NPHS2: variants seen among roughly 807,000 people sequenced by gnomAD.
The protein encoded by NPHS2 is podocin.
A neutral mutation model predicts 37.1 loss-of-function variants in NPHS2; 36 were observed. The observed-to-expected ratio is 0.97, with a 90% CI of 0.74 to 1.28. The LOEUF is 1.28. Among genes scored for constraint, NPHS2 ranks in the 50% most tolerant of loss-of-function variants. The pLI, the probability that NPHS2 is intolerant of heterozygous loss-of-function variation, is 0.00. For missense variants in NPHS2, 447 were observed against 488.1 expected (o/e 0.92, Z 0.79); for synonymous variants, 196 against 189.3 (o/e 1.04, Z -0.29).
rs917575907 is a variant in NPHS2 at position 179,550,953 on chromosome 1, T to A, written c.*220A>T. On this transcript the variant is annotated 3_prime_UTR_variant, in exon 8 of 8. Coordinates refer to ENST00000367615, the MANE Select transcript of NPHS2 (RefSeq NM_014625.4). ...GTTGACCAAAGCTGTTTCCCATAAT[T>A]GCTCTGACTAGATGAGTCACGGAAA... is the stretch of plus-strand genomic sequence containing the variant. The A allele has an allele frequency of 6.8e-6, 4 of 591,874 alleles. No homozygotes were observed. The highest frequency in any genetic ancestry group is 2.9e-5 in the Admixed American group (1 of 33,900). 36.7% of individuals were successfully genotyped at this position (591,874 alleles called of 1,614,324 possible).
intron 1 of NPHS2, among the ~76,000 whole-genome samples, chr1:179,572,180 T>C (rs569530990): frequency 1.3e-5 from 2 of 152,286 alleles, no homozygotes; most frequent in Admixed American, 6.5e-5. Context: ...ACCGGAGCTG[T>C]TCCTATTTGG....
At chr1:179,575,287 A>G (rs1674713517) in intron 1 of NPHS2, among the ~76,000 whole-genome samples, 1 of 152,082 alleles carries the variant, frequency 6.6e-6, no homozygotes, top group Admixed American at 6.5e-5. Flanking sequence ...GGCCACAAAA[A>G]CCAAGTCCAT....
chr1:179,567,701 T>C (rs1416380337), intron 1 of NPHS2, among the ~76,000 whole-genome samples: 1 of 152,202 alleles, frequency 6.6e-6, no homozygotes, highest in East Asian at 1.9e-4. Flanking sequence ...TGGCTGTGGG[T>C]TTGTCCTAAA....
Position 179,552,474 on chromosome 1 carries a change from G to T in NPHS2, c.873+129C>A. Reference sequence around the variant, plus strand: ...ACACTTTAAGAGAGCAATTTTAATAGAGTTGTAAGGGCCCAAGACAGCTTC... The same window carrying T: ...ACACTTTAAGAGAGCAATTTTAATATAGTTGTAAGGGCCCAAGACAGCTTC... On this transcript the variant is annotated intron_variant, in intron 7 of 7. Transcript: ENST00000367615. 5.4e-6 allele frequency: 4 copies of T among 737,772 alleles called. No individual in the cohort carries two copies. The South Asian group carries it at 6.0e-5, about 11-fold the overall frequency. The allele number at this position is 737,772 out of a possible 1,614,324, so 45.7% of individuals were successfully genotyped here.
At chr1:179,565,209 C>T (rs67759441) in intron 1 of NPHS2, among the ~76,000 whole-genome samples, 19,903 of 152,000 alleles carry the variant, frequency 0.13, 2,248 homozygotes, top group African/African-American at 0.3. Flanking sequence ...GGGAGGTTGA[C>T]GCTGCAGTGA....
intron 1 of NPHS2, among the ~76,000 whole-genome samples, chr1:179,569,473 G>A (rs1210633144): frequency 1.4e-4 from 21 of 152,100 alleles, no homozygotes; most frequent in Admixed American, 1.1e-3. Flanking sequence ...ACAGCACACC[G>A]ATGGGTCTTG....
intron 6 of NPHS2, 85 bp downstream of exon 6, chr1:179,554,391 A>C (rs1572271627): frequency 1.9e-6 from 3 of 1,553,590 alleles, no homozygotes; most frequent in East Asian, 4.5e-5. Context: ...ACTCAGTGAA[A>C]ATAATTTTTC....
intron 5 of NPHS2, among the ~76,000 whole-genome samples, chr1:179,555,433 TG>T (rs1221591028): frequency 6.6e-6 from 1 of 152,148 alleles, no homozygotes; most frequent in Non-Finnish European, 1.5e-5. Flanking sequence ...AAATCGACTG[TG>T]GATTCTGGAA....
intron 1 of NPHS2, among the ~76,000 whole-genome samples, chr1:179,573,601 T>G (rs754605057): frequency 2.6e-5 from 4 of 152,248 alleles, no homozygotes; most frequent in Non-Finnish European, 5.9e-5. Flanking sequence ...ACATATTAAT[T>G]TTTATAATAT....
intron 5 of NPHS2, 135 bp from the exon 6 acceptor site, chr1:179,554,666 A>C: frequency 8.3e-7 from 1 of 1,211,046 alleles, no homozygotes; most frequent in South Asian, 1.3e-5. Context: ...GTTGTATTTA[A>C]CTTCACAGTG....
In NPHS2 at chr1:179,550,564, A is replaced by G. The variant is rs1334416754; in HGVS notation, c.*609T>C. On this transcript the variant is annotated 3_prime_UTR_variant, in exon 8 of 8. Transcript: ENST00000367615. ...TTCCTTTTAAATGCTTTAATTAGGG[A>G]TAAATTGTATATCCGACTCCAAGTA... The G allele has an allele frequency of 6.6e-6, 1 of 152,644 alleles. No individual in the cohort carries two copies. The highest frequency in any genetic ancestry group is 1.5e-5 in the Non-Finnish European group (1 of 68,402). 9.5% of individuals were successfully genotyped at this position (152,644 alleles called of 1,614,324 possible).
chr1:179,573,842 A>C (rs1325827859), intron 1 of NPHS2, among the ~76,000 whole-genome samples: 2 of 152,328 alleles, frequency 1.3e-5, no homozygotes, highest in African/African-American at 4.8e-5. Context: ...CCCCCAAAAT[A>C]TTATTCTGTT....
In NPHS2 at chr1:179,551,414, G is replaced by T. The variant is rs779073816; in HGVS notation, c.911C>A (p.Ser304Tyr). 6.2e-7 allele frequency: 1 copy of T among 1,613,978 alleles called. No homozygotes were observed. Among genetic ancestry groups the T allele is most frequent in the Non-Finnish European group, 8.5e-7 (1 of 1,180,022 alleles). ...AAEAEKAASE[S>Y]LRMAAEILSG... ...CAGAATCTCAGCTGCCATCCTCAGG[G>T]ACTCAGAAGCAGCCTTTTCCGCTTC... The change falls in exon 8 of 8, where the codon TCC becomes TAC. Residue 304 changes from serine (S) to tyrosine (Y), a missense_variant. Physicochemically the swap from Ser to Tyr is moderately radical, Grantham distance 144 (BLOSUM62 -2). Coordinates refer to ENST00000367615, the MANE Select transcript of NPHS2 (RefSeq NM_014625.4).
At chr1:179,560,934 A>G (rs570798362) in intron 3 of NPHS2, among the ~76,000 whole-genome samples, 1 of 152,346 alleles carries the variant, frequency 6.6e-6, no homozygotes, top group South Asian at 2.1e-4. Context: ...GGATCTGAGC[A>G]CCTGGAGTGG....
chr1:179,559,345 AG>A lies in NPHS2; in HGVS notation c.534+333del, dbSNP rs202043287. On this transcript the variant is annotated intron_variant, in intron 4 of 7. Transcript: ENST00000367615. Reference sequence around the variant, plus strand: ...AATATAGGTCAAATGATCATGGCCTAGCCAGGCTGACACATAAGGTTAACTA... The same window carrying A: ...AATATAGGTCAAATGATCATGGCCTACCAGGCTGACACATAAGGTTAACTA... Among the ~76,000 whole-genome samples the A allele has an allele frequency of 3.9e-5, 6 of 152,354 alleles. No homozygotes were observed. The East Asian group carries it at 1.2e-3, about 29-fold the overall frequency.
intron 3 of NPHS2, among the ~76,000 whole-genome samples, chr1:179,560,171 A>G (rs1674082071): frequency 6.6e-6 from 1 of 152,112 alleles, no homozygotes; most frequent in African/African-American, 2.4e-5. Flanking sequence ...CCAGGTGTCA[A>G]ACTTTAGAGC....
At chr1:179,573,345 T>C (rs1674634723) in intron 1 of NPHS2, among the ~76,000 whole-genome samples, 1 of 152,140 alleles carries the variant, frequency 6.6e-6, no homozygotes, top group Non-Finnish European at 1.5e-5. Flanking sequence ...GAAATACTAA[T>C]CCCACGGAGT....
At chr1:179,563,686 T>A (rs1309428859) in intron 2 of NPHS2, among the ~76,000 whole-genome samples, 2 of 152,124 alleles carry the variant, frequency 1.3e-5, no homozygotes, top group Non-Finnish European at 2.9e-5. Flanking sequence ...TTGACAAATA[T>A]GTGGAAATTA....
chr1:179,560,847 A>G (rs559301815), intron 3 of NPHS2, among the ~76,000 whole-genome samples: 3 of 152,308 alleles, frequency 2.0e-5, no homozygotes, highest in African/African-American at 7.2e-5. Flanking sequence ...GAAATGCTTA[A>G]TCTATGTTTT....
Sources: gnomAD v4.1 joint callset for allele counts (sites outside exome capture counted in the v4.1 genomes callset) on GRCh38, gnomAD v4.1.1 for gene constraint, MANE v1.5 for transcripts, NCBI Gene and HGNC (gene_info 2026-07-23, HGNC 2026-07-21) for gene names.